Variants in HOXA3 observed in about 807,000 individuals in gnomAD.
HOXA3 encodes homeobox protein Hox-A3.
A neutral mutation model predicts 30.3 loss-of-function variants in HOXA3; 8 were observed. That is an observed-to-expected ratio of 0.26 (90% CI 0.15 to 0.48). The LOEUF is 0.48. Among genes scored for constraint, HOXA3 ranks in the 20% least tolerant of loss-of-function variants. The pLI, the probability that HOXA3 is intolerant of heterozygous loss-of-function variation, is 0.99. For synonymous variants in HOXA3, 323 were observed against 273.1 expected (o/e 1.18, Z -1.80); for missense variants, 653 against 614.4 (o/e 1.06, Z -0.66).
At chr7:27,121,369 C>G (rs1785008381) in intron 4 of HOXA3, among the ~76,000 whole-genome samples, 1 of 152,114 alleles carries the variant, frequency 6.6e-6, no homozygotes, top group South Asian at 2.1e-4. Context: ...GTGTTATACA[C>G]AAGGCCCCAA....
rs1178273297 is a variant in HOXA3, at chr7:27,113,862, TCCCACCCACCCCACCCA to T, written c.-120-3119_-120-3103del. ...CCGACTGGGGCGGCTTGGACCCCCC[TCCCACCCACCCCACCCA>T]CCCACCCCTCCCCCACACCCCCGCC... On this transcript the variant is annotated intron_variant, in intron 4 of 5. Transcript: ENST00000612286. This position sits in a 1 kb window ranked among gnomAD's most constrained non-coding sequence, Gnocchi z 4.8. The T allele has an allele frequency of 2.0e-5, 2 of 99,994 alleles. No individual in the cohort carries two copies. Among genetic ancestry groups the T allele is most frequent in the Non-Finnish European group, 4.5e-5 (2 of 44,258 alleles). 6.2% of individuals were successfully genotyped at this position (99,994 alleles called of 1,614,324 possible). A position where few individuals can be genotyped will look rare whatever the true frequency, so the allele number is the denominator to read the frequency against.
rs41304924 is a variant in HOXA3, at chr7:27,110,642, G to A, written c.-2C>T. On this transcript the variant is annotated 5_prime_UTR_variant, in exon 5 of 6. Coordinates refer to ENST00000612286, the MANE Select transcript of HOXA3 (RefSeq NM_153631.3). ...GTCGTAGTAGGTCGCTTTTTGCATC[G>A]CGTTGTTTCACGATCTTGATCGCAC... 1.2e-6 allele frequency: 2 copies of A among 1,600,722 alleles called. No individual in the cohort carries two copies. Among genetic ancestry groups the A allele is most frequent in the South Asian group, 1.1e-5 (1 of 90,878 alleles).
At chr7:27,114,838 T>C (rs1162573952) in intron 4 of HOXA3, among the ~76,000 whole-genome samples, 1 of 72,716 alleles carries the variant, frequency 1.4e-5, no homozygotes, top group African/African-American at 4.1e-5. Flanking sequence ...ATATATATTA[T>C]ATATATAATA....
At chr7:27,151,386 G>C (rs1583417343) in intron 1 of HOXA3, 1 of 339,878 alleles carries the variant, frequency 2.9e-6, no homozygotes, top group East Asian at 8.5e-5. Flanking sequence ...CGGAAGGTGG[G>C]GAGTGCGGTC....
chr7:27,126,225 C>G (rs1487017265), intron 3 of HOXA3, among the ~76,000 whole-genome samples: 1 of 152,158 alleles, frequency 6.6e-6, no homozygotes, highest in Non-Finnish European at 1.5e-5. Flanking sequence ...AAAGTGTCTC[C>G]TATCCGATTT....
At chr7:27,145,139 G>A (rs1201171526) in intron 1 of HOXA3, among the ~76,000 whole-genome samples, 2 of 152,228 alleles carry the variant, frequency 1.3e-5, no homozygotes, top group Admixed American at 1.3e-4. Context: ...GCCGCGACAA[G>A]GCCGGGCTCC....
At chr7:27,109,853 G>C (rs943970677) in intron 5 of HOXA3, among the ~76,000 whole-genome samples, 7 of 152,238 alleles carry the variant, frequency 4.6e-5, no homozygotes, top group Admixed American at 1.3e-4. Context: ...AGCAAGAAGA[G>C]ATTCCAACTG....
At chr7:27,130,826 C>A in intron 2 of HOXA3, 1 of 1,278,952 alleles carries the variant, frequency 7.8e-7, no homozygotes, top group Non-Finnish European at 1.1e-6. Context: ...CGCTTCCCAT[C>A]CCCCTTTCCT....
At chr7:27,142,811 T>C (rs146559230) in intron 1 of HOXA3, 9,421 of 457,552 alleles carry the variant, frequency 0.021, 136 homozygotes, top group South Asian at 0.031. Context: ...TCCTCCCCCT[T>C]CCAACGTCTA....
Position 27,130,793 on chromosome 7 carries a change from C to G in HOXA3, c.-389-3723G>C, listed in dbSNP as rs554199651. 216 of 1,515,546 alleles carry G rather than the reference C, an allele frequency of 1.4e-4. 3 individuals are homozygous for G. The South Asian group carries it at 1.6e-3, about 11-fold the overall frequency. The allele number at this position is 1,515,546 out of a possible 1,614,324, so 93.9% of individuals were successfully genotyped here. A position where few individuals can be genotyped will look rare whatever the true frequency, so the allele number is the denominator to read the frequency against. ...GCGTTGTCGTTTTTTCTGGGCTTGC[C>G]GAGGCCCCTCCCCCTCCTGCCTCGC... On this transcript the variant is annotated intron_variant, in intron 2 of 5. Coordinates refer to ENST00000612286, the MANE Select transcript of HOXA3 (RefSeq NM_153631.3).
chr7:27,130,407 G>C, intron 2 of HOXA3: 2 of 1,168,558 alleles, frequency 1.7e-6, no homozygotes, highest in Non-Finnish European at 2.1e-6. Context: ...GCCGCCCGGG[G>C]CTGGCGCCGC....
Position 27,142,455 on chromosome 7 carries a change from T to C in HOXA3, c.-493-2269A>G, listed in dbSNP as rs570779071. Among the ~76,000 whole-genome samples, 65 of 152,292 alleles carry C rather than the reference T, an allele frequency of 4.3e-4. 1 individual carries two copies. The highest frequency in any genetic ancestry group is 1.4e-3 in the African/African-American group (60 of 41,570). ...CCCTTTCCTGAGCGCCCAAGTGGCC[T>C]TCGGGTCACCCTCCCTCAAAGTTCC... On this transcript the variant is annotated intron_variant, in intron 1 of 5. Coordinates refer to ENST00000612286, the MANE Select transcript of HOXA3 (RefSeq NM_153631.3).
At chr7:27,127,712 A>G (rs917402092) in intron 2 of HOXA3, among the ~76,000 whole-genome samples, 21 of 152,126 alleles carry the variant, frequency 1.4e-4, no homozygotes, top group Admixed American at 1.0e-3. Context: ...GTGGGTTTTG[A>G]TTTTCAGCCT....
At chr7:27,126,451 AAAAC>A (rs1785287737) in intron 3 of HOXA3, among the ~76,000 whole-genome samples, 1 of 152,174 alleles carries the variant, frequency 6.6e-6, no homozygotes, top group Non-Finnish European at 1.5e-5. Flanking sequence ...TTAAAAAAAA[AAAAC>A]AATTAATGAG....
rs756900527 is a variant in HOXA3, at chr7:27,145,708, T to C, written c.-493-5522A>G. ...TCCTCCCCGCTGGGCTGCGTGGAAT[T>C]GATGAGCTTGTTTTCCTTTTTCCAC... is the stretch of plus-strand genomic sequence containing the variant. On this transcript the variant is annotated intron_variant, in intron 1 of 5. Coordinates refer to ENST00000612286, the MANE Select transcript of HOXA3 (RefSeq NM_153631.3). 5 of 1,614,068 alleles carry C rather than the reference T, an allele frequency of 3.1e-6. No homozygotes were observed. The highest frequency in any genetic ancestry group is 3.3e-5 in the Admixed American group (2 of 60,010).
At chr7:27,119,062 C>T (rs1469800540) in intron 4 of HOXA3, among the ~76,000 whole-genome samples, 1 of 151,594 alleles carries the variant, frequency 6.6e-6, no homozygotes, top group Non-Finnish European at 1.5e-5. Flanking sequence ...AGCATTTCCT[C>T]AGTGCACAAC....
At chr7:27,150,210 C>A (rs984769230) in intron 1 of HOXA3, 1 of 152,118 alleles carries the variant, frequency 6.6e-6, no homozygotes, top group Admixed American at 6.5e-5. Context: ...CAAGAATAGG[C>A]ACCCCAGACC....
chr7:27,112,182 C>G (rs952817041), intron 4 of HOXA3, among the ~76,000 whole-genome samples: 1 of 152,172 alleles, frequency 6.6e-6, no homozygotes. Context: ...CAAATATTCA[C>G]CCACACACAC....
chr7:27,145,681 A>G (rs1418853781), intron 1 of HOXA3: 2 of 1,613,904 alleles, frequency 1.2e-6, no homozygotes, highest in Admixed American at 3.3e-5. Context: ...TTTGCCTCTG[A>G]GTCCTCCCCG....
Sources: gnomAD v4.1 joint callset for allele counts (sites outside exome capture counted in the v4.1 genomes callset) on GRCh38, gnomAD v4.1.1 for gene constraint, Gnocchi (gnomAD v3.1) non-coding constraint, MANE v1.5 for transcripts, NCBI Gene and HGNC (gene_info 2026-07-23, HGNC 2026-07-21) for gene names.